PPARG: variants seen among roughly 807,000 people sequenced by gnomAD.
PPARG encodes peroxisome proliferator-activated receptor gamma.
PPARG carries 17 observed loss-of-function variants against 39.2 expected under a neutral mutation model. The observed-to-expected ratio is 0.43, with a 90% CI of 0.30 to 0.65. The LOEUF is 0.65. Among genes scored for constraint, PPARG ranks in the 30% least tolerant of loss-of-function variants. PPARG has a pLI of 0.13. For synonymous variants in PPARG, 223 were observed against 215.7 expected (o/e 1.03, Z -0.30); for missense variants, 406 against 585.9 (o/e 0.69, Z 3.17).
At chr3:12,330,328 T>C (rs1013706486) in intron 2 of PPARG, among the ~76,000 whole-genome samples, 6 of 141,368 alleles carry the variant, frequency 4.2e-5, no homozygotes, top group African/African-American at 7.8e-5. Context: ...AAAAAAGCTG[T>C]CCTATTAGGT....
At chr3:12,401,108 C>T (rs943382797) in intron 5 of PPARG, among the ~76,000 whole-genome samples, 8 of 152,074 alleles carry the variant, frequency 5.3e-5, no homozygotes, top group African/African-American at 1.9e-4. Context: ...TAGTTCTGAC[C>T]CCCAATGCAG....
chr3:12,371,867 T>A, intron 2 of PPARG: 2 of 695,704 alleles, frequency 2.9e-6, no homozygotes, highest in South Asian at 3.0e-5. Context: ...AGGATGATTC[T>A]TGTCTCTGGA....
chr3:12,407,375 A>G (rs184138666), intron 6 of PPARG, among the ~76,000 whole-genome samples: 13 of 152,194 alleles, frequency 8.5e-5, no homozygotes, highest in African/African-American at 3.1e-4. Context: ...GTTGGCCAGG[A>G]TGGTCTTGAT....
chr3:12,294,687 G>C (rs2046733178), intron 1 of PPARG, among the ~76,000 whole-genome samples: 1 of 152,182 alleles, frequency 6.6e-6, no homozygotes, highest in African/African-American at 2.4e-5. Context: ...CTGAGGTCAG[G>C]AGTTTGAGAC....
At chr3:12,393,152 G>A (rs2125216489) in intron 5 of PPARG, among the ~76,000 whole-genome samples, 1 of 147,300 alleles carries the variant, frequency 6.8e-6, no homozygotes, top group South Asian at 2.2e-4. Flanking sequence ...GTCTGGGTCT[G>A]AAACTTTAAA....
chr3:12,388,920 T>C (rs1276210614), intron 4 of PPARG, among the ~76,000 whole-genome samples: 1 of 152,166 alleles, frequency 6.6e-6, no homozygotes, highest in Non-Finnish European at 1.5e-5. Flanking sequence ...GATAGCTTAC[T>C]GGACACAGCA....
intron 1 of PPARG, among the ~76,000 whole-genome samples, chr3:12,294,620 C>T (rs540799933): frequency 2.0e-5 from 3 of 152,228 alleles, no homozygotes; most frequent in East Asian, 1.9e-4. Flanking sequence ...TGCGGCCAGT[C>T]GCAGTGGCTC....
chr3:12,317,006 T>A (rs1190998270), intron 2 of PPARG, among the ~76,000 whole-genome samples: 1 of 152,238 alleles, frequency 6.6e-6, no homozygotes, highest in African/African-American at 2.4e-5. Context: ...ATTTTATGAC[T>A]GAGGAATTCA....
intron 2 of PPARG, among the ~76,000 whole-genome samples, chr3:12,331,701 G>C (rs1046535033): frequency 2.6e-5 from 4 of 152,188 alleles, no homozygotes; most frequent in Admixed American, 1.3e-4. Context: ...GCATGTGGCT[G>C]AATGTAAATG....
intron 2 of PPARG, among the ~76,000 whole-genome samples, chr3:12,369,519 T>A (rs1326025127): frequency 6.6e-6 from 1 of 152,118 alleles, no homozygotes; most frequent in African/African-American, 2.4e-5. Flanking sequence ...TAATAACTTA[T>A]ACTATTATTT....
intron 4 of PPARG, among the ~76,000 whole-genome samples, chr3:12,392,033 AT>A (rs1461286937): frequency 6.6e-6 from 1 of 152,168 alleles, no homozygotes; most frequent in African/African-American, 2.4e-5. Flanking sequence ...TGTTATTCCC[AT>A]AGTCTCTTTC....
chr3:12,432,008 CTT>C (rs2051678625), intron 7 of PPARG, among the ~76,000 whole-genome samples: 1 of 151,732 alleles, frequency 6.6e-6, no homozygotes, highest in Non-Finnish European at 1.5e-5. Context: ...TCATCTACAA[CTT>C]TATTCCAATA....
At position 12,388,477 on chromosome 3, in the gene PPARG, G is replaced by T. The variant is rs552014614; in HGVS notation, c.391-4137G>T. On this transcript the variant is annotated intron_variant, in intron 4 of 7. Coordinates refer to ENST00000651735, the MANE Select transcript of PPARG (RefSeq NM_138711.6). ...TTTTCTGAGCAATAAGTGAGAAGGAGCTAAGTGTAGGGCTTCTGAATTAAG... is the reference window on the plus strand; with the variant it reads ...TTTTCTGAGCAATAAGTGAGAAGGATCTAAGTGTAGGGCTTCTGAATTAAG... 7.9e-5 allele frequency among the ~76,000 whole-genome samples: 12 copies of T among 152,328 alleles called. No homozygotes were observed. The East Asian group carries it at 2.3e-3, about 29-fold the overall frequency.
chr3:12,377,867 C>T (rs75262919), intron 2 of PPARG, among the ~76,000 whole-genome samples: 8,481 of 152,198 alleles, frequency 0.056, 298 homozygotes, highest in Non-Finnish European at 0.085. Flanking sequence ...GATTGCAAAT[C>T]GTACATCTGA....
chr3:12,372,035 A>G (rs888197045), intron 2 of PPARG: 1 of 717,916 alleles, frequency 1.4e-6, no homozygotes, highest in African/African-American at 1.7e-5. Flanking sequence ...ATGAGAAGGG[A>G]TTGAAAAATC....
rs746349655 is a variant in PPARG at position 12,376,027 on chromosome 3, G to A, written c.-8-3677G>A. 4.0e-5 allele frequency among the ~76,000 whole-genome samples: 6 copies of A among 150,600 alleles called. 1 individual carries two copies. Among genetic ancestry groups the A allele is most frequent in the African/African-American group, 1.5e-4 (6 of 40,834 alleles). Reference sequence around the variant, plus strand: ...TGCAGTGGCGTGATCTCAGCTCACCGCAACCTCTCTCTCCTGGGTTCAAGT... The same window carrying A: ...TGCAGTGGCGTGATCTCAGCTCACCACAACCTCTCTCTCCTGGGTTCAAGT... On this transcript the variant is annotated intron_variant, in intron 2 of 7. Coordinates refer to ENST00000651735, the MANE Select transcript of PPARG (RefSeq NM_138711.6).
intron 2 of PPARG, among the ~76,000 whole-genome samples, chr3:12,314,201 C>G (rs1469452453): frequency 6.6e-6 from 1 of 152,124 alleles, no homozygotes; most frequent in African/African-American, 2.4e-5. Context: ...CAGTTGAACC[C>G]AAGAGGTGGA....
rs141683496 is a variant in PPARG, at chr3:12,416,995, G to A, written c.1021G>A (p.Glu341Lys). ...GAATAAAGATGGGGTTCTCATATCC[G>A]AGGGCCAAGGCTTCATGACAAGGGA... The part of the protein sequence containing the change: ...LMNKDGVLIS[E>K]GQGFMTREFL... Residue 341 changes from glutamate (E) to lysine (K), a missense_variant, in exon 7 of 8, where the codon GAG becomes AAG. By Grantham distance (56) the Glu-to-Lys change is moderately conservative (BLOSUM62 1). This residue lies in a region of PPARG where 275 missense variants were observed against 458.0 expected (regional missense o/e 0.60). Coordinates refer to ENST00000651735, the MANE Select transcript of PPARG (RefSeq NM_138711.6). The A allele has an allele frequency of 4.3e-6, 7 of 1,614,036 alleles. No individual in the cohort carries two copies. The East Asian group carries it at 6.7e-5, about 15-fold the overall frequency.
rs2050884232 is a variant in PPARG at position 12,411,702 on chromosome 3, G to A, written c.730-5002G>A. 3.3e-5 allele frequency among the ~76,000 whole-genome samples: 5 copies of A among 152,134 alleles called. No individual in the cohort carries two copies. In the South Asian group the frequency reaches 1.0e-3, roughly 32 times the overall value. On this transcript the variant is annotated intron_variant, in intron 6 of 7. Transcript: ENST00000651735. Reference sequence around the variant, plus strand: ...GTTTATCCATTAGTCAGAGAATGATGGGACAGATTACTTCTGAAGACCCCT... The same window carrying A: ...GTTTATCCATTAGTCAGAGAATGATAGGACAGATTACTTCTGAAGACCCCT...
Sources: gnomAD v4.1 joint callset for allele counts (sites outside exome capture counted in the v4.1 genomes callset) on GRCh38, gnomAD v4.1.1 for gene constraint, gnomAD v4.1.1 regional missense constraint, MANE v1.5 for transcripts, NCBI Gene and HGNC (gene_info 2026-07-23, HGNC 2026-07-21) for gene names.